PKD1L1: variants seen among roughly 807,000 people sequenced by gnomAD.
PKD1L1 encodes the protein polycystin 1 like 1, transient receptor potential channel interacting.
A neutral mutation model predicts 323.4 loss-of-function variants in PKD1L1; 236 were observed. The observed-to-expected ratio is 0.73, with a 90% CI of 0.66 to 0.81. PKD1L1 has a LOEUF of 0.81. PKD1L1 is among the 40% of genes least tolerant of loss of function. The pLI is 0.00. For missense variants in PKD1L1, 3,320 were observed against 3,508.0 expected, an observed-to-expected ratio of 0.95 and a Z score of 1.35; for synonymous variants, 1,344 against 1,335.0, an observed-to-expected ratio of 1.01 and a Z score of -0.15.
At chr7:47,843,342 C>G (rs998970291) in intron 33 of PKD1L1, among the ~76,000 whole-genome samples, 173 bp from the exon 34 acceptor site, 8 of 152,128 alleles carry the variant, frequency 5.3e-5, no homozygotes, top group Non-Finnish European at 4.4e-5. Flanking sequence ...AGGGAGCTGG[C>G]CTGTGGTCCA....
intron 7 of PKD1L1, among the ~76,000 whole-genome samples, chr7:47,923,858 T>C (rs1787606080): frequency 6.6e-6 from 1 of 151,878 alleles, no homozygotes; most frequent in South Asian, 2.1e-4. Context: ...ATAGAACACA[T>C]GAGATTTGGA....
In PKD1L1 at chr7:47,881,998, A is replaced by T; in HGVS notation, c.3353T>A (p.Leu1118Gln). ...GACAGGCTCGGCTCTGCCTGCAGAC[A>T]GGGAGGGGTCCACCAGGTTATCCCC... ...GDGDNLVDPS[L>Q]SAGRAEPVLM... Residue 1118 changes from leucine to glutamine, a missense_variant, in exon 20 of 57, where the codon CTG becomes CAG. By Grantham distance (113) the Leu-to-Gln change is moderately radical. Coordinates refer to ENST00000289672, the MANE Select transcript of PKD1L1 (RefSeq NM_138295.5). 6.2e-7 allele frequency: 1 copy of T among 1,614,088 alleles called. No individual in the cohort carries two copies. The highest frequency in any genetic ancestry group is 8.5e-7 in the Non-Finnish European group (1 of 1,179,988).
intron 48 of PKD1L1, chr7:47,813,644 A>C: frequency 1.5e-6 from 1 of 668,010 alleles, no homozygotes; most frequent in Non-Finnish European, 2.7e-6. Context: ...AGATTGTTTG[A>C]TTAAAAATCC....
Position 47,792,641 on chromosome 7 carries a change from A to G in PKD1L1, c.8512T>C (p.Tyr2838His), listed in dbSNP as rs1364092847. The stretch of plus-strand genomic sequence containing the variant: ...CATGGTCTTACCTCAGCAGCTTGGT[A>G]ACTAGAAATGTCCACTAAGGGACTC... ...EESPLVDISS[Y>H]QAAEPADIKD... is the part of the protein sequence containing the mutation. Residue 2838 changes from tyrosine to histidine, a missense_variant, in exon 56 of 57, where the codon TAC becomes CAC. Physicochemically the swap from Tyr to His is moderately conservative, Grantham distance 83 (BLOSUM62 2). Coordinates refer to ENST00000289672, the MANE Select transcript of PKD1L1 (RefSeq NM_138295.5). 1.2e-6 allele frequency: 2 copies of G among 1,612,736 alleles called. No individual in the cohort carries two copies. The highest frequency in any genetic ancestry group is 2.2e-5 in the South Asian group (2 of 90,856).
chr7:47,814,074 C>T (rs1250781214), intron 47 of PKD1L1, 60 bp from the exon 48 acceptor site: 6 of 1,428,338 alleles, frequency 4.2e-6, no homozygotes, highest in African/African-American at 1.4e-5. Flanking sequence ...ACCTCCTCAT[C>T]AAGCGTGCTC....
chr7:47,841,708 T>C (rs1205810801), intron 34 of PKD1L1, among the ~76,000 whole-genome samples: 1 of 152,206 alleles, frequency 6.6e-6, no homozygotes, highest in Non-Finnish European at 1.5e-5. Context: ...GGATCTCTTA[T>C]GCATATCAGG....
At chr7:47,798,003 G>A (rs1428779963) in intron 54 of PKD1L1, among the ~76,000 whole-genome samples, 1 of 152,124 alleles carries the variant, frequency 6.6e-6, no homozygotes, top group Non-Finnish European at 1.5e-5. Context: ...ATATTATTAG[G>A]ATGCCAATTC....
intron 1 of PKD1L1, among the ~76,000 whole-genome samples, chr7:47,947,967 C>CA (rs1024669849): frequency 3.3e-5 from 5 of 150,608 alleles, no homozygotes; most frequent in Non-Finnish European, 4.4e-5. Flanking sequence ...GACTCCGTCT[C>CA]AAAAAAAAAG....
rs1171877094 is a variant in PKD1L1, at chr7:47,929,918, C to T, written c.738-392G>A. Among the ~76,000 whole-genome samples the T allele has an allele frequency of 2.0e-5, 3 of 152,346 alleles. No homozygotes were observed. In the South Asian group the frequency reaches 6.2e-4, roughly 32 times the overall value. On this transcript the variant is annotated intron_variant, in intron 6 of 56. Transcript: ENST00000289672. Reference sequence around the variant, plus strand: ...AGATGGTATCTCCCACAAGTCACTACTTCCTGTGTTTTTGCGAAAAGCTCC... The same window carrying T: ...AGATGGTATCTCCCACAAGTCACTATTTCCTGTGTTTTTGCGAAAAGCTCC...
chr7:47,903,420 T>C (rs1442829868), intron 12 of PKD1L1, among the ~76,000 whole-genome samples: 1 of 152,184 alleles, frequency 6.6e-6, no homozygotes, highest in East Asian at 1.9e-4. Flanking sequence ...CTACCGAGTA[T>C]ATCGCCAGGT....
At chr7:47,938,889 T>G (rs1451896554) in intron 3 of PKD1L1, among the ~76,000 whole-genome samples, 2 of 152,220 alleles carry the variant, frequency 1.3e-5, no homozygotes, top group Non-Finnish European at 2.9e-5. Flanking sequence ...TGCATGGTTT[T>G]GTTTGGTTTC....
At chr7:47,911,802 AG>A (rs1393684312) in intron 8 of PKD1L1, among the ~76,000 whole-genome samples, 1 of 152,118 alleles carries the variant, frequency 6.6e-6, no homozygotes, top group Non-Finnish European at 1.5e-5. Flanking sequence ...CAGTTGCCAA[AG>A]GGCTCAGTGG....
intron 26 of PKD1L1, among the ~76,000 whole-genome samples, chr7:47,862,395 G>A (rs143133836): frequency 2.0e-5 from 3 of 152,234 alleles, no homozygotes; most frequent in East Asian, 3.9e-4. Flanking sequence ...TCAGGCAGGA[G>A]GGATGGTAGG....
chr7:47,799,854 G>A (rs915576786), intron 54 of PKD1L1, among the ~76,000 whole-genome samples: 1 of 152,224 alleles, frequency 6.6e-6, no homozygotes. Flanking sequence ...TCCCACCCTT[G>A]TGATGTGGGC....
At chr7:47,808,415 G>C (rs773179446) in intron 51 of PKD1L1, 28 bp from the exon 52 acceptor site, 2 of 1,612,952 alleles carry the variant, frequency 1.2e-6, no homozygotes, top group Admixed American at 1.7e-5. Flanking sequence ...AAGGCCCTCA[G>C]ATGGCTCCTG....
intron 32 of PKD1L1, among the ~76,000 whole-genome samples, chr7:47,845,706 C>T (rs548084512): frequency 6.6e-6 from 1 of 152,286 alleles, no homozygotes; most frequent in South Asian, 2.1e-4. Flanking sequence ...TCTTGTGCCT[C>T]AGCCTCCCAA....
intron 54 of PKD1L1, among the ~76,000 whole-genome samples, chr7:47,798,780 A>G (rs1165779808): frequency 1.3e-5 from 2 of 151,674 alleles, no homozygotes; most frequent in African/African-American, 4.8e-5. Context: ...AAAAACCAAA[A>G]ACAAAGAAAC....
chr7:47,931,235 C>G lies in PKD1L1; in HGVS notation c.606G>C (p.Glu202Asp). 6.2e-7 allele frequency: 1 copy of G among 1,614,260 alleles called. No individual in the cohort carries two copies. ...CAGGAAGCAGCCCCGTGGCCACATCCTCCGCACAGCACAGCAGTCTCAGGA... is the reference window on the plus strand; with the variant it reads ...CAGGAAGCAGCCCCGTGGCCACATCGTCCGCACAGCACAGCAGTCTCAGGA... ...CCVLRLLCCA[E>D]DVATGLLPGT... is the part of the protein sequence containing the mutation. The change falls in exon 6 of 57, where the codon GAG becomes GAC. Residue 202 changes from glutamate (E) to aspartate (D), a missense_variant. Physicochemically the swap from Glu to Asp is conservative, Grantham distance 45. Transcript: ENST00000289672.
At chr7:47,928,283 G>T (rs115138989) in intron 7 of PKD1L1, among the ~76,000 whole-genome samples, 1 of 151,386 alleles carries the variant, frequency 6.6e-6, no homozygotes, top group Non-Finnish European at 1.5e-5. Flanking sequence ...ACAAAAGGCC[G>T]GGGGGGAAGG....
Sources: allele counts gnomAD v4.1 joint callset (sites outside exome capture counted in the v4.1 genomes callset), GRCh38; gene constraint gnomAD v4.1.1; transcripts MANE v1.5; gene names NCBI Gene and HGNC (gene_info 2026-07-23, HGNC 2026-07-21).